GABRG2: variants seen among roughly 807,000 people sequenced by gnomAD.
GABRG2 encodes the protein gamma-aminobutyric acid receptor subunit gamma-2.
A neutral mutation model predicts 56.4 loss-of-function variants in GABRG2; 16 were observed. The observed-to-expected ratio is 0.28, with a 90% CI of 0.19 to 0.43. The LOEUF (loss-of-function observed/expected upper bound fraction) is 0.43, where lower values mean the gene tolerates loss of function less well. Among genes scored for constraint, GABRG2 ranks in the 20% least tolerant of loss-of-function variants. GABRG2 has a pLI of 1.00. For missense variants in GABRG2, 327 were observed against 582.7 expected (o/e 0.56, Z 4.52); for synonymous variants, 208 against 205.5 (o/e 1.01, Z -0.10).
intron 6 of GABRG2, among the ~76,000 whole-genome samples, chr5:162,104,401 AG>A (rs898223911): frequency 6.6e-6 from 1 of 152,184 alleles, no homozygotes; most frequent in African/African-American, 2.4e-5. Context: ...AATGCAGAAA[AG>A]TAAGCATAGT....
intron 6 of GABRG2, among the ~76,000 whole-genome samples, chr5:162,105,483 G>T (rs1761743635): frequency 7.4e-6 from 1 of 135,636 alleles, no homozygotes; most frequent in South Asian, 2.5e-4. Flanking sequence ...AGGCTGGAGT[G>T]CAGTGGCGAG....
intron 6 of GABRG2, among the ~76,000 whole-genome samples, chr5:162,128,056 G>T (rs1219470645): frequency 6.6e-6 from 1 of 151,990 alleles, no homozygotes; most frequent in Non-Finnish European, 1.5e-5. Context: ...TGGAAAGCAT[G>T]TGATATATAA....
chr5:162,112,409 ATT>A (rs3839308), intron 6 of GABRG2, among the ~76,000 whole-genome samples: 7 of 151,234 alleles, frequency 4.6e-5, no homozygotes, highest in African/African-American at 1.5e-4. Context: ...TTTGAAAGAC[ATT>A]TTTTTTTTGA....
intron 6 of GABRG2, among the ~76,000 whole-genome samples, chr5:162,125,096 A>T (rs1763240970): frequency 6.6e-6 from 1 of 151,598 alleles, no homozygotes; most frequent in South Asian, 2.1e-4. Context: ...TAGTTCTTAT[A>T]ATTATGTCGG....
At chr5:162,101,660 C>A (rs911814567) in intron 5 of GABRG2, 1 of 299,020 alleles carries the variant, frequency 3.3e-6, no homozygotes, top group East Asian at 8.7e-5. Flanking sequence ...ATATCCTCTT[C>A]CTTTCTCTCC....
At chr5:162,147,760 C>T (rs1286702042) in intron 7 of GABRG2, among the ~76,000 whole-genome samples, 1 of 152,172 alleles carries the variant, frequency 6.6e-6, no homozygotes, top group African/African-American at 2.4e-5. Context: ...GTCAGAATTG[C>T]ACATCTTTAA....
chr5:162,134,957 T>A (rs1370416786), intron 6 of GABRG2, among the ~76,000 whole-genome samples: 1 of 152,128 alleles, frequency 6.6e-6, no homozygotes, highest in African/African-American at 2.4e-5. Context: ...ACCAGAAAAA[T>A]TATGTGAATG....
chr5:162,069,283 T>C (rs1758480663), intron 1 of GABRG2, among the ~76,000 whole-genome samples: 1 of 152,188 alleles, frequency 6.6e-6, no homozygotes, highest in South Asian at 2.1e-4. Flanking sequence ...TTCTATACTT[T>C]CATTTTGAAA....
At chr5:162,080,952 G>T (rs1331675411) in intron 1 of GABRG2, among the ~76,000 whole-genome samples, 3 of 151,996 alleles carry the variant, frequency 2.0e-5, no homozygotes, top group Non-Finnish European at 4.4e-5. Context: ...TAAATACTTT[G>T]CATCTAATAA....
At chr5:162,093,771 A>C (rs1760789902) in intron 1 of GABRG2, 57 bp from the exon 2 acceptor site, 11 of 1,517,884 alleles carry the variant, frequency 7.2e-6, no homozygotes, top group Non-Finnish European at 9.1e-6. Context: ...TGGTCTGTGG[A>C]TAAAAGTCAA....
Position 162,137,346 on chromosome 5 carries a change from T to C in GABRG2, c.770-4818T>C, listed in dbSNP as rs1337375004. 2.6e-5 allele frequency among the ~76,000 whole-genome samples: 4 copies of C among 152,246 alleles called. No individual in the cohort carries two copies. The East Asian group carries it at 7.7e-4, about 29-fold the overall frequency. ...ATTATCTTCCTAAAAGTTCACATCA[T>C]TGTGTATCCCCACCAACAGTGTGTA... On this transcript the variant is annotated intron_variant, in intron 6 of 9. Transcript: ENST00000639213.
At chr5:162,109,038 T>C (rs1229576367) in intron 6 of GABRG2, among the ~76,000 whole-genome samples, 3 of 152,120 alleles carry the variant, frequency 2.0e-5, no homozygotes, top group Non-Finnish European at 4.4e-5. Flanking sequence ...TGGGCACATA[T>C]ACACCATGGA....
intron 6 of GABRG2, among the ~76,000 whole-genome samples, chr5:162,124,796 T>C (rs1763213587): frequency 6.6e-6 from 1 of 151,860 alleles, no homozygotes; most frequent in Non-Finnish European, 1.5e-5. Context: ...CCTAGCTCTT[T>C]CTAAATATTC....
chr5:162,108,949 C>T (rs1403232192), intron 6 of GABRG2, among the ~76,000 whole-genome samples: 1 of 152,038 alleles, frequency 6.6e-6, no homozygotes, highest in Non-Finnish European at 1.5e-5. Context: ...AGTAGTGCCA[C>T]AATAAACATA....
chr5:162,086,348 G>A (rs184826165), intron 1 of GABRG2, among the ~76,000 whole-genome samples: 9 of 152,094 alleles, frequency 5.9e-5, no homozygotes, highest in African/African-American at 2.2e-4. Context: ...CAAAGTTTTA[G>A]AAAACAACAC....
chr5:162,122,700 G>A (rs1763055583), intron 6 of GABRG2, among the ~76,000 whole-genome samples: 1 of 151,482 alleles, frequency 6.6e-6, no homozygotes, highest in African/African-American at 2.4e-5. Context: ...CTTTCACAAA[G>A]ATATCTCTAG....
At chr5:162,106,741 C>A (rs558746579) in intron 6 of GABRG2, among the ~76,000 whole-genome samples, 1 of 152,278 alleles carries the variant, frequency 6.6e-6, no homozygotes, top group Non-Finnish European at 1.5e-5. Flanking sequence ...AACCTTTATT[C>A]ATTCAAGCTT....
At chr5:162,139,559 A>G (rs1057355045) in intron 6 of GABRG2, among the ~76,000 whole-genome samples, 4 of 152,190 alleles carry the variant, frequency 2.6e-5, no homozygotes, top group Non-Finnish European at 5.9e-5. Flanking sequence ...AGATAAGTGG[A>G]CCATGGAAGT....
chr5:162,094,137 A>G (rs935578466), intron 2 of GABRG2, 158 bp downstream of exon 2: 2 of 737,332 alleles, frequency 2.7e-6, no homozygotes, highest in African/African-American at 3.5e-5. Context: ...CAGGCCTATG[A>G]GTGGGAGAGG....
Sources: allele counts gnomAD v4.1 joint callset (sites outside exome capture counted in the v4.1 genomes callset), GRCh38; gene constraint gnomAD v4.1.1; transcripts MANE v1.5; gene names NCBI Gene and HGNC (gene_info 2026-07-23, HGNC 2026-07-21).